Variants in STPG2 observed in about 807,000 individuals in gnomAD.
The protein encoded by STPG2 is sperm tail PG-rich repeat containing 2.
STPG2 carries 56 observed loss-of-function variants against 54.2 expected under a neutral mutation model. That is an observed-to-expected ratio of 1.03 (90% CI 0.83 to 1.29). The LOEUF (loss-of-function observed/expected upper bound fraction) is 1.29. Among genes scored for constraint, STPG2 ranks in the 50% most tolerant of loss-of-function variants. STPG2 has a pLI of 0.00. For synonymous variants in STPG2, 200 were observed against 181.8 expected, an observed-to-expected ratio of 1.10 and a Z score of -0.81; for missense variants, 596 against 544.9, an observed-to-expected ratio of 1.09 and a Z score of -0.93.
At chr4:97,654,095 TG>T (rs1457919079) in intron 10 of STPG2, among the ~76,000 whole-genome samples, 1 of 152,158 alleles carries the variant, frequency 6.6e-6, no homozygotes, top group African/African-American at 2.4e-5. Flanking sequence ...AGAGTAGCTT[TG>T]GAGAATATCT....
chr4:97,758,728 C>A (rs1725803900), intron 9 of STPG2, among the ~76,000 whole-genome samples: 1 of 152,006 alleles, frequency 6.6e-6, no homozygotes, highest in South Asian at 2.1e-4. Flanking sequence ...CACCATGGCA[C>A]ATGTAAACCT....
chr4:97,472,023 AG>A (rs891098968), intron 4 of STPG2, among the ~76,000 whole-genome samples: 2 of 152,202 alleles, frequency 1.3e-5, no homozygotes, highest in African/African-American at 2.4e-5. Context: ...GTGCATATTG[AG>A]TGTGAACAGT....
intron 5 of STPG2, among the ~76,000 whole-genome samples, chr4:98,031,056 C>G (rs1462841232): frequency 6.6e-6 from 1 of 152,126 alleles, no homozygotes; most frequent in Non-Finnish European, 1.5e-5. Context: ...GGTATAAAAA[C>G]AGGCACATAG....
chr4:97,800,135 C>A (rs1032225630), intron 9 of STPG2, among the ~76,000 whole-genome samples: 5 of 152,182 alleles, frequency 3.3e-5, no homozygotes, highest in Admixed American at 6.5e-5. Flanking sequence ...GAACTTCCTC[C>A]TTTAGCTCGG....
chr4:97,647,671 G>A (rs1259705895), intron 10 of STPG2, among the ~76,000 whole-genome samples: 3 of 152,150 alleles, frequency 2.0e-5, no homozygotes, highest in Non-Finnish European at 4.4e-5. Context: ...GGTAAGGGAC[G>A]GGCCAAGCAG....
chr4:97,540,235 A>G (rs1175396903), intron 4 of STPG2, among the ~76,000 whole-genome samples: 1 of 152,132 alleles, frequency 6.6e-6, no homozygotes, highest in Non-Finnish European at 1.5e-5. Context: ...TAGCAAGACT[A>G]ATAAAGAAGA....
chr4:97,577,980 AT>A (rs1344765303), intron 10 of STPG2, among the ~76,000 whole-genome samples: 1 of 152,030 alleles, frequency 6.6e-6, no homozygotes, highest in Non-Finnish European at 1.5e-5. Context: ...ACATATATCC[AT>A]TTTCAGAAAT....
intron 7 of STPG2, among the ~76,000 whole-genome samples, chr4:97,944,552 A>G (rs1733126773): frequency 1.3e-5 from 2 of 152,106 alleles, no homozygotes; most frequent in Admixed American, 6.6e-5. Flanking sequence ...TCCTTGTGAT[A>G]CTTTCTATTT....
intron 9 of STPG2, among the ~76,000 whole-genome samples, chr4:97,808,620 A>C (rs1190364509): frequency 6.6e-6 from 1 of 151,498 alleles, no homozygotes; most frequent in African/African-American, 2.4e-5. Context: ...CAACTATAAC[A>C]CTTAAATTAT....
chr4:97,536,206 C>T (rs1731527022), intron 4 of STPG2, among the ~76,000 whole-genome samples: 1 of 152,182 alleles, frequency 6.6e-6, no homozygotes, highest in Admixed American at 6.6e-5. Context: ...TGTCATTGCA[C>T]TTAACATGAT....
At chr4:97,865,388 A>G (rs943511757) in intron 8 of STPG2, among the ~76,000 whole-genome samples, 5 of 152,178 alleles carry the variant, frequency 3.3e-5, no homozygotes, top group Non-Finnish European at 5.9e-5. Flanking sequence ...CAATACCACA[A>G]TATCATCTCA....
intron 10 of STPG2, among the ~76,000 whole-genome samples, chr4:97,597,386 G>A (rs1256034241): frequency 6.6e-6 from 1 of 151,908 alleles, no homozygotes; most frequent in Non-Finnish European, 1.5e-5. Context: ...GAGGAGAATG[G>A]ACTCCTCACT....
intron 9 of STPG2, among the ~76,000 whole-genome samples, chr4:97,761,248 G>T (rs575858797): frequency 2.0e-5 from 3 of 152,224 alleles, no homozygotes; most frequent in Admixed American, 6.5e-5. Context: ...GATGTTATTA[G>T]TTAAGATGAG....
intron 10 of STPG2, among the ~76,000 whole-genome samples, chr4:97,638,391 C>G (rs1721635434): frequency 6.6e-6 from 1 of 152,224 alleles, no homozygotes; most frequent in South Asian, 2.1e-4. Context: ...CATAAAAACT[C>G]TAGAAGAAAA....
At chr4:98,080,362 AG>A (rs1336936375) in intron 5 of STPG2, among the ~76,000 whole-genome samples, 1 of 152,080 alleles carries the variant, frequency 6.6e-6, no homozygotes, top group Non-Finnish European at 1.5e-5. Flanking sequence ...CCAAGGAGCT[AG>A]GACTACAGGC....
At chr4:97,465,058 T>G (rs926022250) in intron 4 of STPG2, among the ~76,000 whole-genome samples, 1 of 152,168 alleles carries the variant, frequency 6.6e-6, no homozygotes, top group Non-Finnish European at 1.5e-5. Context: ...TTTCCAGGAT[T>G]CAGGCTAGGA....
At chr4:97,882,784 A>T (rs1730426182) in intron 8 of STPG2, among the ~76,000 whole-genome samples, 1 of 152,108 alleles carries the variant, frequency 6.6e-6, no homozygotes, top group South Asian at 2.1e-4. Flanking sequence ...AACCAACTCA[A>T]ATCCTGAACA....
At chr4:98,019,558 G>T (rs971208147) in intron 5 of STPG2, among the ~76,000 whole-genome samples, 3 of 151,768 alleles carry the variant, frequency 2.0e-5, no homozygotes, top group Admixed American at 6.6e-5. Context: ...GTGAAGAAAG[G>T]CATTGGTAGC....
At chr4:97,922,483 C>A (rs1351624724) in intron 8 of STPG2, among the ~76,000 whole-genome samples, 1 of 152,064 alleles carries the variant, frequency 6.6e-6, no homozygotes, top group African/African-American at 2.4e-5. Flanking sequence ...CTGAGAATGC[C>A]TTTGTTGTAC....
Sources: allele counts gnomAD v4.1 joint callset (sites outside exome capture counted in the v4.1 genomes callset), GRCh38; gene constraint gnomAD v4.1.1; transcripts MANE v1.5; gene names NCBI Gene and HGNC (gene_info 2026-07-23, HGNC 2026-07-21).